The following PRR33 variants were observed in gnomAD, a reference collection of about 807,000 sequenced individuals.
PRR33 encodes proline-rich protein 33.
A neutral mutation model predicts 0.5 loss-of-function variants in PRR33; 1 was observed. The observed-to-expected ratio is 2.18, with a 90% CI of 0.77 to 10.34. The LOEUF (loss-of-function observed/expected upper bound fraction) is 10.34, where lower values mean the gene tolerates loss of function less well. PRR33 is among the 30% of genes most tolerant of loss of function. PRR33 has a pLI of 0.13. For missense variants in PRR33, 552 were observed against 251.8 expected (o/e 2.19, Z -8.07); for synonymous variants, 226 against 110.0 (o/e 2.06, Z -6.60).
At chr11:1,895,656 T>C (rs374793552), upstream of PRR33, among the ~76,000 whole-genome samples, 2 of 152,238 alleles carry the variant, frequency 1.3e-5, no homozygotes, top group East Asian at 1.9e-4. Flanking sequence ...CCTGTGTTTT[T>C]ATGGCTCCAG....
the PRR33 span, among the ~76,000 whole-genome samples, chr11:1,914,582 C>CTG: frequency 0.3 from 39,060 of 129,988 alleles, 7,044 homozygotes; most frequent in African/African-American, 0.52. Context: ...GGATGTTGCT[C>CTG]TGTGTGTGTG....
chr11:1,890,607 G>C (rs1259450045), exon 1 of PRR33: 2 of 697,878 alleles, frequency 2.9e-6, no homozygotes, highest in Admixed American at 2.0e-5. Flanking sequence ...GGGTGGGAGG[G>C]ACAGTGGTCA....
At chr11:1,898,771 C>T in the PRR33 span, among the ~76,000 whole-genome samples, 10 of 152,122 alleles carry the variant, frequency 6.6e-5, no homozygotes, top group African/African-American at 2.2e-4. Context: ...TTTGGGAGGC[C>T]GAGGTGGGCA....
At chr11:1,898,223 A>G in the PRR33 span, among the ~76,000 whole-genome samples, 3 of 152,082 alleles carry the variant, frequency 2.0e-5, no homozygotes, top group South Asian at 6.2e-4. Flanking sequence ...TTCCAGAGCC[A>G]ATTACGAGGG....
chr11:1,896,529 T>C (rs1849125918), upstream of PRR33, among the ~76,000 whole-genome samples: 1 of 152,262 alleles, frequency 6.6e-6, no homozygotes, highest in Non-Finnish European at 1.5e-5. Context: ...TGAGTAGTTC[T>C]TGCAGGTTTT....
chr11:1,915,870 GTAGA>G, the PRR33 span, among the ~76,000 whole-genome samples: 1 of 150,696 alleles, frequency 6.6e-6, no homozygotes, highest in Non-Finnish European at 1.5e-5. Flanking sequence ...GGATAGACAG[GTAGA>G]TGGATGGGTA....
upstream of PRR33, among the ~76,000 whole-genome samples, chr11:1,894,378 T>A (rs1265717102): frequency 6.6e-6 from 1 of 152,090 alleles, no homozygotes; most frequent in Non-Finnish European, 1.5e-5. Context: ...GGACCGCAGG[T>A]GCCCACCACC....
the PRR33 span, among the ~76,000 whole-genome samples, chr11:1,899,764 C>T: frequency 2.0e-5 from 3 of 152,130 alleles, no homozygotes; most frequent in Admixed American, 1.3e-4. Context: ...TCTCAAGGGA[C>T]GTCCCATGAG....
chr11:1,901,771 G>A, the PRR33 span, among the ~76,000 whole-genome samples: 2 of 152,198 alleles, frequency 1.3e-5, no homozygotes, highest in East Asian at 3.8e-4. Context: ...TTAAACAAAG[G>A]TAAGACTTGT....
At chr11:1,910,655 C>T in the PRR33 span, among the ~76,000 whole-genome samples, 1 of 152,208 alleles carries the variant, frequency 6.6e-6, no homozygotes, top group Non-Finnish European at 1.5e-5. Flanking sequence ...GCGACTTGGG[C>T]GTCCAGTGAC....
chr11:1,910,215 A>G, the PRR33 span, among the ~76,000 whole-genome samples: 5 of 151,732 alleles, frequency 3.3e-5, no homozygotes, highest in South Asian at 8.3e-4. Flanking sequence ...TGAGGGATGC[A>G]CCCTGCACGC....
chr11:1,899,219 G>T, the PRR33 span, among the ~76,000 whole-genome samples: 1 of 152,078 alleles, frequency 6.6e-6, no homozygotes, highest in Non-Finnish European at 1.5e-5. Flanking sequence ...CTGCTTCTGG[G>T]GAGAAACTTC....
At chr11:1,905,992 T>A in the PRR33 span, among the ~76,000 whole-genome samples, 1 of 149,848 alleles carries the variant, frequency 6.7e-6, no homozygotes, top group African/African-American at 2.4e-5. Flanking sequence ...CTAAAGTATT[T>A]TTTTTTTTTT....
chr11:1,900,491 C>T, the PRR33 span, among the ~76,000 whole-genome samples: 3 of 152,202 alleles, frequency 2.0e-5, no homozygotes, highest in Admixed American at 6.5e-5. Flanking sequence ...GAAGCCTATT[C>T]AAGAGGGCTT....
chr11:1,911,192 C>G, the PRR33 span, among the ~76,000 whole-genome samples: 3 of 152,110 alleles, frequency 2.0e-5, no homozygotes, highest in Admixed American at 6.5e-5. Context: ...CGTCTGTAAT[C>G]CCAGCACTTT....
At chr11:1,888,967 C>T (rs1848868765) in exon 1 of PRR33, 1 of 523,150 alleles carries the variant, frequency 1.9e-6, no homozygotes, top group Admixed American at 3.7e-5. Flanking sequence ...CCTGACCACC[C>T]TCCTAACCAT....
the PRR33 span, among the ~76,000 whole-genome samples, chr11:1,914,676 G>A: frequency 1.0e-3 from 141 of 141,372 alleles, 1 homozygote; most frequent in South Asian, 0.013. Context: ...TGGGGAGGAT[G>A]TTGCTCTGTG....
the PRR33 span, among the ~76,000 whole-genome samples, chr11:1,898,916 G>A: frequency 9.9e-5 from 15 of 152,096 alleles, no homozygotes; most frequent in Non-Finnish European, 1.9e-4. Flanking sequence ...CAGGAGAATC[G>A]CTTGAACCTG....
the PRR33 span, among the ~76,000 whole-genome samples, chr11:1,906,520 T>A: frequency 3.9e-5 from 6 of 152,296 alleles, no homozygotes; most frequent in Non-Finnish European, 8.8e-5. Flanking sequence ...GCTAGATACT[T>A]TTATATTTCC....
Sources: allele counts gnomAD v4.1 joint callset (sites outside exome capture counted in the v4.1 genomes callset), GRCh38; gene constraint gnomAD v4.1.1; transcripts MANE v1.5; gene names NCBI Gene and HGNC (gene_info 2026-07-23, HGNC 2026-07-21).